Variants in YTHDC2 observed in about 807,000 individuals in gnomAD.
YTHDC2 encodes 3'-5' RNA helicase YTHDC2.
Under a neutral mutation model 174.9 loss-of-function variants are expected in YTHDC2, and 45 were observed. That is an observed-to-expected ratio of 0.26 (90% CI 0.20 to 0.33). The LOEUF is 0.33. Among genes scored for constraint, YTHDC2 ranks in the 10% least tolerant of loss-of-function variants. The probability of loss-of-function intolerance (pLI) is 1.00; values close to 1 mark genes in which losing one functional copy is unlikely to be tolerated. For missense variants in YTHDC2, 1,650 were observed against 1,723.7 expected, an observed-to-expected ratio of 0.96 and a Z score of 0.76; for synonymous variants, 657 against 574.5, an observed-to-expected ratio of 1.14 and a Z score of -2.05.
Position 113,553,166 on chromosome 5 carries a change from T to C in YTHDC2, c.1689-15T>C. 1 of 1,371,738 alleles carries C rather than the reference T, an allele frequency of 7.3e-7. No homozygotes were observed. The highest frequency in any genetic ancestry group is 3.5e-5 in the Admixed American group (1 of 28,652). 85.0% of individuals were successfully genotyped at this position (1,371,738 alleles called of 1,614,324 possible). On this transcript the variant is annotated splice_polypyrimidine_tract_variant and intron_variant, in intron 12 of 29. Transcript: ENST00000161863. ...TGGAAATTGACTTTGTCTTTTTTTT[T>C]TTTTTTTTTTTCAGTGCTACACTGG... is the stretch of plus-strand genomic sequence containing the variant.
At chr5:113,514,412 G>T (rs1251374457) in intron 1 of YTHDC2, 2 of 531,558 alleles carry the variant, frequency 3.8e-6, no homozygotes, top group Non-Finnish European at 7.1e-6. Context: ...TTTTAAGGGG[G>T]TGTCACCTAA....
intron 8 of YTHDC2, among the ~76,000 whole-genome samples, chr5:113,540,466 T>C (rs1203285637): frequency 6.6e-6 from 1 of 151,858 alleles, no homozygotes; most frequent in Admixed American, 6.6e-5. Context: ...AGAAAAGAGG[T>C]TTAATTCACT....
Position 113,567,854 on chromosome 5 carries a change from A to G in YTHDC2, c.3244+5A>G. The G allele has an allele frequency of 6.7e-7, 1 of 1,501,542 alleles. No homozygotes were observed. Among genetic ancestry groups the G allele is most frequent in the Non-Finnish European group, 8.9e-7 (1 of 1,124,336 alleles). The allele number at this position is 1,501,542 out of a possible 1,614,324, so 93.0% of individuals were successfully genotyped here. ...AGGAACCTTCATCCTTTAGAGGTAA[A>G]TGTATTAAGGAAATAAAAATCTATT... On this transcript the variant is annotated splice_donor_5th_base_variant and intron_variant, in intron 23 of 29. Transcript: ENST00000161863.
chr5:113,569,244 C>T (rs555337091), intron 23 of YTHDC2, among the ~76,000 whole-genome samples: 1 of 152,142 alleles, frequency 6.6e-6, no homozygotes, highest in African/African-American at 2.4e-5. Context: ...GGATATTAGA[C>T]CTTTGTCAGA....
At chr5:113,568,931 T>C (rs150674128) in intron 23 of YTHDC2, among the ~76,000 whole-genome samples, 1 of 152,290 alleles carries the variant, frequency 6.6e-6, no homozygotes, top group African/African-American at 2.4e-5. Context: ...AGAATCACCA[T>C]GCTGTCTCCC....
chr5:113,551,817 A>T (rs1322519043), intron 12 of YTHDC2, among the ~76,000 whole-genome samples: 1 of 152,282 alleles, frequency 6.6e-6, no homozygotes, highest in East Asian at 1.9e-4. Flanking sequence ...CATTGAAAAT[A>T]GTCTTACGTT....
intron 4 of YTHDC2, 70 bp from the exon 5 acceptor site, chr5:113,532,809 A>C (rs1774764926): frequency 2.1e-6 from 3 of 1,406,478 alleles, no homozygotes; most frequent in East Asian, 2.3e-5. Context: ...GTGGTTTTTC[A>C]GTTGATTCAC....
chr5:113,514,179 G>A (rs1428759598), intron 1 of YTHDC2, 97 bp downstream of exon 1: 1 of 1,446,180 alleles, frequency 6.9e-7, no homozygotes, highest in Middle Eastern at 1.8e-4. Context: ...GGGTGCCTCC[G>A]AAGAGGGAGG....
At chr5:113,527,827 C>G (rs541929687) in intron 4 of YTHDC2, among the ~76,000 whole-genome samples, 1 of 152,076 alleles carries the variant, frequency 6.6e-6, no homozygotes. Context: ...CTCTGTCTGT[C>G]ACCCAGGCTG....
intron 2 of YTHDC2, among the ~76,000 whole-genome samples, 195 bp downstream of exon 2, chr5:113,515,557 TTTTTG>T (rs1171155707): frequency 6.6e-6 from 1 of 152,158 alleles, no homozygotes; most frequent in Non-Finnish European, 1.5e-5. Context: ...CTTCCCCCCT[TTTTTG>T]TTTTGTTTTG....
At chr5:113,550,138 C>T (rs866618913) in intron 12 of YTHDC2, among the ~76,000 whole-genome samples, 1 of 150,926 alleles carries the variant, frequency 6.6e-6, no homozygotes, top group Non-Finnish European at 1.5e-5. Flanking sequence ...CGGGTAAAAC[C>T]GGGCAGGTAC....
intron 12 of YTHDC2, among the ~76,000 whole-genome samples, chr5:113,552,344 A>G (rs1412741061): frequency 1.3e-5 from 2 of 151,832 alleles, no homozygotes; most frequent in Non-Finnish European, 2.9e-5. Flanking sequence ...TTCCGCCCCA[A>G]CTCTCCTAGG....
Position 113,579,607 on chromosome 5 carries a change from G to A in YTHDC2, c.3266G>A (p.Ser1089Asn), listed in dbSNP as rs1307965340. ...ACAGTGGATGGCATTCCCAATGACAGTAGTGATAGTGAAATGGAGGACAAA... is the reference window on the plus strand; with the variant it reads ...ACAGTGGATGGCATTCCCAATGACAATAGTGATAGTGAAATGGAGGACAAA... The part of the protein sequence containing the change: ...SFRVDGIPND[S>N]SDSEMEDKTT... Residue 1089 changes from serine to asparagine, a missense_variant, in exon 24 of 30, where the codon AGT becomes AAT. By Grantham distance (46) the Ser-to-Asn change is conservative. Around this residue, in one of 5 missense-constraint regions of YTHDC2, gnomAD observed 913 missense variants for 940.4 expected, o/e 0.97. Transcript: ENST00000161863. 1.9e-6 allele frequency: 3 copies of A among 1,609,218 alleles called. No individual in the cohort carries two copies. Among genetic ancestry groups the A allele is most frequent in the Non-Finnish European group, 2.5e-6 (3 of 1,177,374 alleles).
chr5:113,516,471 A>C (rs1476572640), intron 2 of YTHDC2, among the ~76,000 whole-genome samples: 1 of 152,212 alleles, frequency 6.6e-6, no homozygotes, highest in Non-Finnish European at 1.5e-5. Flanking sequence ...GGTGGGATCA[A>C]TGTAAAGGAA....
chr5:113,525,063 C>T lies in YTHDC2; in HGVS notation c.361C>T (p.His121Tyr). 1 of 1,612,386 alleles carries T rather than the reference C, an allele frequency of 6.2e-7. No homozygotes were observed. The highest frequency in any genetic ancestry group is 8.5e-7 in the Non-Finnish European group (1 of 1,179,112). Residue 121 changes from histidine (H) to tyrosine (Y), a missense_variant, in exon 3 of 30, where the codon CAT becomes TAT. Transcript: ENST00000161863. ...AHAMMTCNLT[H>Y]NTKHAVRSLI... ...TGCAATGATGACCTGTAATTTGACT[C>T]ATAATACAAAACATGCTGTTAGGAG...
chr5:113,579,501 ATATGAAGCG>A, intron 23 of YTHDC2, 76 bp from the exon 24 acceptor site: 3 of 922,972 alleles, frequency 3.3e-6, no homozygotes, highest in Non-Finnish European at 4.8e-6. Flanking sequence ...GGGTTTGTGT[ATATGAAGCG>A]TATTTATTCT....
At position 113,532,911 on chromosome 5, in the gene YTHDC2, A is replaced by C; in HGVS notation, c.708A>C (p.Lys236Asn). 6.2e-7 allele frequency: 1 copy of C among 1,613,488 alleles called. No individual in the cohort carries two copies. ...AGTTCCTTTTAGATGATTGCTTTAA[A>C]AATGGTATCCCCTGCCGTATATTTT... ...IPQFLLDDCFKNGIPCRIFCT... is the reference protein window; with the variant it reads ...IPQFLLDDCFNNGIPCRIFCT... The change falls in exon 5 of 30, where the codon AAA becomes AAC. Residue 236 changes from lysine (K) to asparagine (N), a missense_variant. This residue lies in a region of YTHDC2 where 304 missense variants were observed against 341.4 expected (regional missense o/e 0.89). Coordinates refer to ENST00000161863, the MANE Select transcript of YTHDC2 (RefSeq NM_022828.5).
intron 23 of YTHDC2, among the ~76,000 whole-genome samples, chr5:113,568,127 G>A (rs958012124): frequency 2.0e-5 from 3 of 151,870 alleles, no homozygotes; most frequent in East Asian, 1.9e-4. Context: ...ATAGTTTAAC[G>A]TAAATAAAGT....
intron 4 of YTHDC2, among the ~76,000 whole-genome samples, chr5:113,527,113 C>G (rs1465105677): frequency 6.6e-6 from 1 of 152,008 alleles, no homozygotes; most frequent in Admixed American, 6.6e-5. Flanking sequence ...GATTCCAGTT[C>G]CCTCAGTTAT....
Sources: allele counts gnomAD v4.1 joint callset (sites outside exome capture counted in the v4.1 genomes callset), GRCh38; gene constraint gnomAD v4.1.1; regional missense constraint gnomAD v4.1.1; transcripts MANE v1.5; gene names NCBI Gene and HGNC (gene_info 2026-07-23, HGNC 2026-07-21).